BEND3: variants seen among roughly 807,000 people sequenced by gnomAD.
The protein encoded by BEND3 is BEN domain containing 3, also known as BEN domain-containing protein 3.
A neutral mutation model predicts 60.1 loss-of-function variants in BEND3; 13 were observed. The observed-to-expected ratio is 0.22, with a 90% CI of 0.14 to 0.34. The LOEUF (loss-of-function observed/expected upper bound fraction) is 0.34, where lower values mean the gene tolerates loss of function less well. BEND3 is among the 10% of genes least tolerant of loss of function. The pLI, the probability that BEND3 is intolerant of heterozygous loss-of-function variation, is 1.00. For synonymous variants in BEND3, 497 were observed against 491.5 expected (o/e 1.01, Z -0.15); for missense variants, 896 against 1,138.1 (o/e 0.79, Z 3.06).
rs1175389876 is a variant in BEND3 at position 107,068,022 on chromosome 6, G to C, written c.*682C>G. On this transcript the variant is annotated 3_prime_UTR_variant, in exon 4 of 4. Transcript: ENST00000369042. The surrounding 1 kb of genome is among the most constrained non-coding windows in gnomAD (Gnocchi z 5.8). Reference sequence around the variant, plus strand: ...TTCTACCAACGCGCCTGAAGGACAGGCCAAGCTGAACGGAAGCCTTCCCTG... The same window carrying C: ...TTCTACCAACGCGCCTGAAGGACAGCCCAAGCTGAACGGAAGCCTTCCCTG... 5 of 152,272 alleles carry C rather than the reference G, an allele frequency of 3.3e-5. No homozygotes were observed. Among genetic ancestry groups the C allele is most frequent in the African/African-American group, 1.2e-4 (5 of 41,440 alleles). 9.4% of individuals were successfully genotyped at this position (152,272 alleles called of 1,614,324 possible). A position where few individuals can be genotyped will look rare whatever the true frequency, so the allele number is the denominator to read the frequency against.
chr6:107,082,480 G>A (rs77445054), intron 3 of BEND3, among the ~76,000 whole-genome samples: 10,858 of 152,178 alleles, frequency 0.071, 513 homozygotes, highest in South Asian at 0.13. Flanking sequence ...TGTCACCCAG[G>A]CTGGAGTGTA....
intron 3 of BEND3, 64 bp from the exon 4 acceptor site, chr6:107,071,014 G>A: frequency 6.8e-7 from 1 of 1,474,072 alleles, no homozygotes; most frequent in Admixed American, 2.3e-5. Flanking sequence ...CACTAAACAA[G>A]GGTCTGTGTA....
In BEND3 at chr6:107,079,330, C is replaced by T. The variant is rs143448569; in HGVS notation, c.241-8380G>A. On this transcript the variant is annotated intron_variant, in intron 3 of 3. Transcript: ENST00000369042. ...TAAAACCTTGCACTCATTCTCTAAG[C>T]CCAGGTGTGATCCGATTCTTCTGGT... Among the ~76,000 whole-genome samples the T allele has an allele frequency of 2.4e-3, 370 of 152,296 alleles. 1 individual carries two copies. The highest frequency in any genetic ancestry group is 4.4e-3 in the Non-Finnish European group (298 of 68,022).
intron 3 of BEND3, among the ~76,000 whole-genome samples, chr6:107,096,865 C>G (rs1562312193): frequency 6.6e-6 from 1 of 152,104 alleles, no homozygotes; most frequent in Non-Finnish European, 1.5e-5. Context: ...GAGGCCAAGA[C>G]AGGCAGACCA....
rs1554231597 is a variant in BEND3 at position 107,069,773 on chromosome 6, G to A, written c.1418C>T (p.Ala473Val). ...CTCGAGCTCGTCGTTGATGCGCTGG[G>A]CACACTGCTGCAGCCAGGCCTCCTC... The part of the protein sequence containing the change: ...QEEEAWLQQC[A>V]QRINDELEGL... The change falls in exon 4 of 4, where the codon GCC becomes GTC. Residue 473 changes from alanine to valine, a missense_variant. Physicochemically the swap from Ala to Val is moderately conservative, Grantham distance 64. Transcript: ENST00000369042. 6 of 1,612,806 alleles carry A rather than the reference G, an allele frequency of 3.7e-6. No homozygotes were observed. The Admixed American group carries it at 6.7e-5, about 18-fold the overall frequency.
At chr6:107,082,632 T>C (rs1384313257) in intron 3 of BEND3, among the ~76,000 whole-genome samples, 2 of 152,088 alleles carry the variant, frequency 1.3e-5, no homozygotes, top group Non-Finnish European at 2.9e-5. Flanking sequence ...ACGAGGTTTG[T>C]TGGCTAGGCT....
intron 1 of BEND3, among the ~76,000 whole-genome samples, chr6:107,111,143 T>C (rs1452063672): frequency 6.6e-6 from 1 of 151,768 alleles, no homozygotes; most frequent in Non-Finnish European, 1.5e-5. Context: ...CCAGGTTGGG[T>C]GAAAGAGAAA....
chr6:107,076,017 T>TA (rs1419375838), intron 3 of BEND3, among the ~76,000 whole-genome samples: 2 of 152,184 alleles, frequency 1.3e-5, no homozygotes, highest in African/African-American at 4.8e-5. Flanking sequence ...TTGCTTGAAT[T>TA]AAAAATGTTA....
chr6:107,113,573 C>A (rs1444764747), intron 1 of BEND3, among the ~76,000 whole-genome samples: 1 of 151,952 alleles, frequency 6.6e-6, no homozygotes, highest in Non-Finnish European at 1.5e-5. Flanking sequence ...CCTCTAGAAT[C>A]CAAGAGGCTC....
intron 3 of BEND3, among the ~76,000 whole-genome samples, chr6:107,076,319 C>T (rs974927113): frequency 3.9e-5 from 6 of 152,204 alleles, no homozygotes; most frequent in East Asian, 1.9e-4. Flanking sequence ...CTCTGAGGCT[C>T]GTCTTCCAAC....
chr6:107,069,776 C>T lies in BEND3; in HGVS notation c.1415G>A (p.Cys472Tyr). 6.2e-7 allele frequency: 1 copy of T among 1,613,044 alleles called. No homozygotes were observed. Among genetic ancestry groups the T allele is most frequent in the African/African-American group, 1.3e-5 (1 of 75,050 alleles). Residue 472 changes from cysteine (C) to tyrosine (Y), a missense_variant, in exon 4 of 4, where the codon TGT becomes TAT. By Grantham distance (194) the Cys-to-Tyr change is radical. This residue lies in a region of BEND3 where 846 missense variants were observed against 1,036.7 expected (regional missense o/e 0.82). Coordinates refer to ENST00000369042, the MANE Select transcript of BEND3 (RefSeq NM_001367314.1). ...GAGCTCGTCGTTGATGCGCTGGGCA[C>T]ACTGCTGCAGCCAGGCCTCCTCCTC... Reference protein sequence around the residue: ...MQEEEAWLQQCAQRINDELEG... With the variant: ...MQEEEAWLQQYAQRINDELEG...
rs781871218 is a variant in BEND3, at chr6:107,069,915, G to A, written c.1276C>T (p.Arg426Cys). 5.6e-6 allele frequency: 9 copies of A among 1,613,890 alleles called. No homozygotes were observed. The highest frequency in any genetic ancestry group is 4.4e-5 in the South Asian group (4 of 91,078). Residue 426 changes from arginine (R) to cysteine (C), a missense_variant, in exon 4 of 4, where the codon CGC becomes TGC. Coordinates refer to ENST00000369042, the MANE Select transcript of BEND3 (RefSeq NM_001367314.1). ...HRLFPELFDH[R>C]KLGEQYSCYG... ...CAGCTGTACTGTTCACCCAGCTTGC[G>A]GTGGTCGAAGAGCTCGGGGAAGAGC... is the stretch of plus-strand genomic sequence containing the variant.
At chr6:107,081,282 G>A (rs368664946) in intron 3 of BEND3, among the ~76,000 whole-genome samples, 9 of 148,672 alleles carry the variant, frequency 6.1e-5, no homozygotes, top group East Asian at 2.0e-4. Context: ...GTGCAGTGGC[G>A]CGATCTCAGC....
intron 1 of BEND3, among the ~76,000 whole-genome samples, chr6:107,107,230 C>T (rs1458950140): frequency 6.6e-6 from 1 of 152,150 alleles, no homozygotes; most frequent in African/African-American, 2.4e-5. Flanking sequence ...AGCCACTGCA[C>T]CCAGCCCAAA....
chr6:107,101,462 T>C (rs1486149105), intron 1 of BEND3, among the ~76,000 whole-genome samples: 1 of 152,154 alleles, frequency 6.6e-6, no homozygotes, highest in Non-Finnish European at 1.5e-5. Context: ...CAGTGCACAA[T>C]AGTGCAAGAC....
intron 1 of BEND3, among the ~76,000 whole-genome samples, chr6:107,106,698 C>T (rs1554237549): frequency 6.6e-6 from 1 of 152,116 alleles, no homozygotes. Flanking sequence ...TAGCCTTGAA[C>T]TCCTGGGCTC....
At chr6:107,088,880 C>T (rs1191769358) in intron 3 of BEND3, among the ~76,000 whole-genome samples, 1 of 151,594 alleles carries the variant, frequency 6.6e-6, no homozygotes, top group Non-Finnish European at 1.5e-5. Flanking sequence ...CTCGGCCAGG[C>T]GCGGTGGCTC....
intron 3 of BEND3, among the ~76,000 whole-genome samples, chr6:107,075,195 T>C (rs1021429756): frequency 3.3e-5 from 5 of 151,656 alleles, no homozygotes; most frequent in Non-Finnish European, 5.9e-5. Context: ...CACTGTACCA[T>C]AGCTTAGGCG....
chr6:107,114,216 T>A (rs184004497), intron 1 of BEND3: 11 of 152,262 alleles, frequency 7.2e-5, no homozygotes, highest in African/African-American at 2.4e-4. Context: ...AAAGCATGCG[T>A]GGGAAATCAC....
Sources: gnomAD v4.1 joint callset for allele counts (sites outside exome capture counted in the v4.1 genomes callset) on GRCh38, gnomAD v4.1.1 for gene constraint, gnomAD v4.1.1 regional missense constraint, Gnocchi (gnomAD v3.1) non-coding constraint, MANE v1.5 for transcripts, NCBI Gene and HGNC (gene_info 2026-07-23, HGNC 2026-07-21) for gene names.